ROCK1: variants seen among roughly 807,000 people sequenced by gnomAD.
ROCK1 encodes the protein rho-associated protein kinase 1.
A neutral mutation model predicts 196.8 loss-of-function variants in ROCK1; 36 were observed. The ratio of observed to expected loss-of-function variants is 0.18; its 90% CI spans 0.14 to 0.24. The LOEUF is 0.24. ROCK1 is among the 10% of genes least tolerant of loss of function. The pLI, the probability that ROCK1 is intolerant of heterozygous loss-of-function variation, is 1.00. For synonymous variants in ROCK1, 443 were observed against 515.9 expected, an observed-to-expected ratio of 0.86 and a Z score of 1.91; for missense variants, 920 against 1,562.0, an observed-to-expected ratio of 0.59 and a Z score of 6.93.
intron 1 of ROCK1, among the ~76,000 whole-genome samples, chr18:21,075,056 A>C (rs985129914): frequency 3.3e-5 from 5 of 152,222 alleles, no homozygotes; most frequent in Non-Finnish European, 5.9e-5. Context: ...GAGAATGTTA[A>C]AGGTATAACA....
Position 21,041,434 on chromosome 18 carries a change from A to G in ROCK1, c.959+663T>C, listed in dbSNP as rs145342088. 1.9e-3 allele frequency among the ~76,000 whole-genome samples: 291 copies of G among 152,240 alleles called. 2 individuals are homozygous for G. The highest frequency in any genetic ancestry group is 2.1e-3 in the Admixed American group (32 of 15,300). ...CAATATACAATCATAAACATTAAATATAATCTTACTAATACATCTGGTTCA... is the reference window on the plus strand; with the variant it reads ...CAATATACAATCATAAACATTAAATGTAATCTTACTAATACATCTGGTTCA... On this transcript the variant is annotated intron_variant, in intron 8 of 32. Coordinates refer to ENST00000399799, the MANE Select transcript of ROCK1 (RefSeq NM_005406.3).
intron 10 of ROCK1, among the ~76,000 whole-genome samples, chr18:21,026,176 G>T (rs114345511): frequency 0.013 from 1,950 of 152,276 alleles, 40 homozygotes; most frequent in African/African-American, 0.044. Flanking sequence ...TGGGCACAGT[G>T]GGTGACACCT....
chr18:20,988,842 A>G (rs1266850391), intron 18 of ROCK1, among the ~76,000 whole-genome samples: 1 of 152,056 alleles, frequency 6.6e-6, no homozygotes, highest in Non-Finnish European at 1.5e-5. Flanking sequence ...TATATTCACT[A>G]TCTGAATGTA....
intron 31 of ROCK1, among the ~76,000 whole-genome samples, chr18:20,954,146 C>A (rs2035217778): frequency 7.6e-6 from 1 of 132,392 alleles, no homozygotes; most frequent in Non-Finnish European, 1.6e-5. Context: ...CAGTGAATGC[C>A]AGACAAAAAG....
chr18:20,989,000 T>TA (rs1400719917), intron 18 of ROCK1, among the ~76,000 whole-genome samples: 1 of 152,150 alleles, frequency 6.6e-6, no homozygotes, highest in Non-Finnish European at 1.5e-5. Context: ...TGTAGGGTAG[T>TA]AAGATTGTAA....
At chr18:21,093,556 T>C (rs947595150) in intron 1 of ROCK1, among the ~76,000 whole-genome samples, 4 of 152,264 alleles carry the variant, frequency 2.6e-5, no homozygotes, top group African/African-American at 7.2e-5. Context: ...TAGCATAATG[T>C]ACACCTACGG....
At chr18:21,005,138 A>G (rs1188000324) in intron 16 of ROCK1, among the ~76,000 whole-genome samples, 1 of 152,226 alleles carries the variant, frequency 6.6e-6, no homozygotes, top group Non-Finnish European at 1.5e-5. Context: ...ACAGGAATAG[A>G]AAATAGAAAA....
intron 16 of ROCK1, among the ~76,000 whole-genome samples, chr18:20,994,361 T>C (rs2035652409): frequency 6.6e-6 from 1 of 152,086 alleles, no homozygotes; most frequent in Admixed American, 6.6e-5. Flanking sequence ...AGGCCAGGTG[T>C]AGTGGTTCAT....
chr18:20,998,751 T>G (rs1598522650), intron 16 of ROCK1, among the ~76,000 whole-genome samples: 2 of 151,926 alleles, frequency 1.3e-5, no homozygotes, highest in South Asian at 4.2e-4. Context: ...ATTATAGACA[T>G]GCACCACCAT....
chr18:20,968,959 C>T, intron 24 of ROCK1, 99 bp from the exon 25 acceptor site: 2 of 950,042 alleles, frequency 2.1e-6, no homozygotes, highest in Admixed American at 2.1e-5. Flanking sequence ...GTATACATTA[C>T]ATAGTAACTT....
At chr18:21,045,909 T>G (rs1359021196) in intron 4 of ROCK1, among the ~76,000 whole-genome samples, 19 of 127,996 alleles carry the variant, frequency 1.5e-4, no homozygotes, top group Non-Finnish European at 2.7e-4. Context: ...GTTTTTTTTT[T>G]TTTTTTTTTT....
chr18:20,964,327 A>G (rs145085925), intron 27 of ROCK1, among the ~76,000 whole-genome samples: 71 of 152,294 alleles, frequency 4.7e-4, no homozygotes, highest in African/African-American at 1.6e-3. Context: ...TAACTATCTA[A>G]TATTAAGAAT....
At chr18:21,012,889 G>A (rs1004335594) in intron 13 of ROCK1, among the ~76,000 whole-genome samples, 2 of 151,930 alleles carry the variant, frequency 1.3e-5, no homozygotes, top group African/African-American at 2.4e-5. Context: ...TCTCTGATTC[G>A]CTCCTCTGCA....
At chr18:21,061,180 T>C (rs1458428989) in intron 2 of ROCK1, among the ~76,000 whole-genome samples, 1 of 151,758 alleles carries the variant, frequency 6.6e-6, no homozygotes, top group Non-Finnish European at 1.5e-5. Flanking sequence ...CCAGGTTTAA[T>C]TGATTCTCCT....
intron 1 of ROCK1, among the ~76,000 whole-genome samples, chr18:21,089,314 C>A (rs929177946): frequency 2.0e-5 from 3 of 152,208 alleles, no homozygotes; most frequent in Admixed American, 2.0e-4. Context: ...CCCGCCTTGG[C>A]CTCCCAAAAT....
intron 19 of ROCK1, 37 bp from the exon 20 acceptor site, chr18:20,984,572 TTAAA>T: frequency 6.8e-7 from 1 of 1,475,872 alleles, no homozygotes; most frequent in South Asian, 1.2e-5. Flanking sequence ...CTTAAATCTC[TTAAA>T]TAATTTATTA....
intron 11 of ROCK1, among the ~76,000 whole-genome samples, chr18:21,021,150 G>C (rs1301900366): frequency 2.6e-5 from 4 of 152,206 alleles, no homozygotes. Flanking sequence ...CCGACTGGAA[G>C]TTAGAATAGA....
intron 27 of ROCK1, among the ~76,000 whole-genome samples, chr18:20,964,991 A>T (rs558911417): frequency 6.6e-6 from 1 of 152,346 alleles, no homozygotes; most frequent in Non-Finnish European, 1.5e-5. Context: ...TGACATATTT[A>T]ACCCAATACT....
chr18:20,990,906 G>A (rs547094185), intron 18 of ROCK1, among the ~76,000 whole-genome samples: 24 of 151,578 alleles, frequency 1.6e-4, no homozygotes, highest in African/African-American at 5.3e-4. Context: ...GATTACAGGC[G>A]TGCGACACAC....
Sources: allele counts gnomAD v4.1 joint callset (sites outside exome capture counted in the v4.1 genomes callset), GRCh38; gene constraint gnomAD v4.1.1; transcripts MANE v1.5; gene names NCBI Gene and HGNC (gene_info 2026-07-23, HGNC 2026-07-21).